UBOX5: variants seen among roughly 807,000 people sequenced by gnomAD.
The protein encoded by UBOX5 is RING finger protein 37.
UBOX5 carries 28 observed loss-of-function variants against 39.0 expected under a neutral mutation model. The ratio of observed to expected loss-of-function variants is 0.72; its 90% CI spans 0.53 to 0.98. UBOX5 has a LOEUF of 0.98. Ranked by LOEUF, UBOX5 falls within the 50% of genes least tolerant of loss-of-function variation. The pLI is 0.00. For missense variants in UBOX5, 585 were observed against 674.4 expected (o/e 0.87, Z 1.47); for synonymous variants, 283 against 275.5 (o/e 1.03, Z -0.27).
intron 1 of UBOX5, among the ~76,000 whole-genome samples, chr20:3,146,366 TAA>T (rs1289937632): frequency 3.2e-5 from 3 of 93,186 alleles, no homozygotes; most frequent in Admixed American, 1.7e-4. Context: ...AAACTGGCTT[TAA>T]AAAAAAAAAA....
At chr20:3,144,472 T>A (rs1477784530) in intron 1 of UBOX5, among the ~76,000 whole-genome samples, 1 of 152,026 alleles carries the variant, frequency 6.6e-6, no homozygotes, top group African/African-American at 2.4e-5. Flanking sequence ...ATGCTACATA[T>A]AAAAATTAAC....
intron 2 of UBOX5, 22 bp from the exon 3 acceptor site, chr20:3,122,606 A>AGAG (rs2066347418): frequency 6.5e-7 from 1 of 1,532,892 alleles, no homozygotes; most frequent in African/African-American, 1.4e-5. Context: ...AAAAAACACA[A>AGAG]GATACAATGA....
chr20:3,134,779 C>T (rs1237512738), intron 1 of UBOX5, among the ~76,000 whole-genome samples: 1 of 140,812 alleles, frequency 7.1e-6, no homozygotes, highest in African/African-American at 2.7e-5. Flanking sequence ...GAATCACAAT[C>T]ACTTGAACCC....
At chr20:3,132,691 G>A (rs2066438812) in intron 1 of UBOX5, among the ~76,000 whole-genome samples, 1 of 151,788 alleles carries the variant, frequency 6.6e-6, no homozygotes, top group Admixed American at 6.6e-5. Context: ...GTGGTGGCAG[G>A]TGCCTGTAAT....
intron 1 of UBOX5, among the ~76,000 whole-genome samples, chr20:3,131,956 C>T (rs570360730): frequency 3.6e-4 from 51 of 141,620 alleles, no homozygotes; most frequent in Non-Finnish European, 5.1e-4. Flanking sequence ...TGCACTGAGC[C>T]GAGATCGAGC....
chr20:3,131,373 T>C (rs1434563884), intron 1 of UBOX5, among the ~76,000 whole-genome samples: 1 of 152,228 alleles, frequency 6.6e-6, no homozygotes, highest in Non-Finnish European at 1.5e-5. Flanking sequence ...CTATATATTG[T>C]CTTTTATTAT....
intron 3 of UBOX5, among the ~76,000 whole-genome samples, chr20:3,117,816 A>G (rs1236016941): frequency 6.6e-6 from 1 of 151,870 alleles, no homozygotes; most frequent in Non-Finnish European, 1.5e-5. Flanking sequence ...ACATGGCGAA[A>G]CCCCATCTCT....
intron 1 of UBOX5, among the ~76,000 whole-genome samples, chr20:3,133,880 G>A (rs1164261345): frequency 6.6e-6 from 1 of 151,904 alleles, no homozygotes; most frequent in Non-Finnish European, 1.5e-5. Flanking sequence ...TGCCTCCCGA[G>A]TATCTGGGAC....
chr20:3,148,929 T>C (rs2066597002), intron 1 of UBOX5: 3 of 1,614,204 alleles, frequency 1.9e-6, no homozygotes, highest in Non-Finnish European at 2.5e-6. Context: ...TGGCAGAGGC[T>C]AATGTGTTCT....
At chr20:3,110,380 A>G in intron 4 of UBOX5, 66 bp from the exon 5 acceptor site, 1 of 1,561,016 alleles carries the variant, frequency 6.4e-7, no homozygotes, top group Admixed American at 1.7e-5. Context: ...GGCTGCTCTG[A>G]GGGGCAGAGC....
chr20:3,115,353 G>C lies in UBOX5; in HGVS notation c.1369C>G (p.Leu457Val). 6.2e-7 allele frequency: 1 copy of C among 1,614,106 alleles called. No homozygotes were observed. The highest frequency in any genetic ancestry group is 1.1e-5 in the South Asian group (1 of 91,068). ...GAAGTGTTGCTCCCTCTTGTGCCAA[G>C]GTGCTGGAGCTGTCCCCTGGTCAGC... ...ARLTRGQLQH[L>V]GTRGSNTSWR... Residue 457 changes from leucine (L) to valine (V), a missense_variant, in exon 4 of 5, where the codon CTT becomes GTT. Leu to Val is a conservative substitution (Grantham distance 32). Transcript: ENST00000217173.
chr20:3,113,099 C>T (rs571212205), intron 4 of UBOX5, among the ~76,000 whole-genome samples: 3 of 142,126 alleles, frequency 2.1e-5, no homozygotes, highest in East Asian at 4.2e-4. Context: ...CATGGCGAAA[C>T]GCTGTCTCTA....
In UBOX5 at chr20:3,109,267, C is replaced by T. The variant is rs969199993; in HGVS notation, c.*839G>A. ...ATGTTGGGCTGAAAAAAGGATGCAG[C>T]CTATAAACAAGTATTTTTCCTGAAA... is the stretch of plus-strand genomic sequence containing the variant. On this transcript the variant is annotated 3_prime_UTR_variant, in exon 5 of 5. Transcript: ENST00000217173. 1 of 152,164 alleles carries T rather than the reference C, an allele frequency of 6.6e-6. No homozygotes were observed. The highest frequency in any genetic ancestry group is 1.9e-4 in the East Asian group (1 of 5,194). The allele number at this position is 152,164 out of a possible 1,614,324, so 9.4% of individuals were successfully genotyped here. A position where few individuals can be genotyped will look rare whatever the true frequency, so the allele number is the denominator to read the frequency against.
chr20:3,121,018 C>G (rs954131025), intron 3 of UBOX5, among the ~76,000 whole-genome samples: 2 of 152,144 alleles, frequency 1.3e-5, no homozygotes, highest in African/African-American at 4.8e-5. Flanking sequence ...ATCTTTCCTC[C>G]CAGCAGCTCT....
At chr20:3,155,047 AG>A (rs1346616461) in intron 1 of UBOX5, among the ~76,000 whole-genome samples, 1 of 90,556 alleles carries the variant, frequency 1.1e-5, no homozygotes, top group South Asian at 5.2e-4. Context: ...AGCAAGACAC[AG>A]TCTCAAAAAA....
Position 3,108,936 on chromosome 20 carries a change from T to TAAAAAAAAAA in UBOX5, c.*1160_*1169dup, listed in dbSNP as rs11480926. The TAAAAAAAAAA allele has an allele frequency of 8.2e-6, 1 of 122,236 alleles. No individual in the cohort carries two copies. Among genetic ancestry groups the TAAAAAAAAAA allele is most frequent in the Non-Finnish European group, 1.7e-5 (1 of 59,586 alleles). 7.6% of individuals were successfully genotyped at this position (122,236 alleles called of 1,614,324 possible). On this transcript the variant is annotated 3_prime_UTR_variant, in exon 5 of 5. Coordinates refer to ENST00000217173, the MANE Select transcript of UBOX5 (RefSeq NM_014948.4). ...CAACAGAGACCAACCCTGTCTCAAT[T>TAAAAAAAAAA]AAAAAAAAAAAAAAAAAAGCAACTA...
At chr20:3,156,173 CT>C (rs761149925) in intron 1 of UBOX5, among the ~76,000 whole-genome samples, 15,758 of 130,074 alleles carry the variant, frequency 0.12, 793 homozygotes, top group Middle Eastern at 0.2. Flanking sequence ...ACTTCTGACT[CT>C]TTTTTTTTTT....
intron 3 of UBOX5, among the ~76,000 whole-genome samples, chr20:3,120,297 A>G (rs900981452): frequency 8.0e-5 from 12 of 150,332 alleles, no homozygotes; most frequent in Non-Finnish European, 1.6e-4. Context: ...CAGTGAGCCA[A>G]TATCACGCCA....
intron 4 of UBOX5, among the ~76,000 whole-genome samples, chr20:3,111,351 C>G (rs2066252401): frequency 6.6e-6 from 1 of 152,180 alleles, no homozygotes; most frequent in African/African-American, 2.4e-5. Context: ...CCAGGCCGCT[C>G]GACACATCTC....
Sources: allele counts gnomAD v4.1 joint callset (sites outside exome capture counted in the v4.1 genomes callset), GRCh38; gene constraint gnomAD v4.1.1; transcripts MANE v1.5; gene names NCBI Gene and HGNC (gene_info 2026-07-23, HGNC 2026-07-21).